The following TPST1 variants were observed in gnomAD, a reference collection of about 807,000 sequenced individuals.
TPST1 encodes the protein protein-tyrosine sulfotransferase 1.
In TPST1, 20 loss-of-function variants were observed where a neutral mutation model predicts 34.8. That is an observed-to-expected ratio of 0.57 (90% CI 0.40 to 0.84). TPST1 has a LOEUF of 0.84. Among genes scored for constraint, TPST1 ranks in the 40% least tolerant of loss-of-function variants. The probability of loss-of-function intolerance (pLI) is 0.00; values close to 1 mark genes in which losing one functional copy is unlikely to be tolerated. For missense variants in TPST1, 353 were observed against 455.5 expected, an observed-to-expected ratio of 0.78 and a Z score of 2.05; for synonymous variants, 152 against 159.4, an observed-to-expected ratio of 0.95 and a Z score of 0.35.
At chr7:66,322,133 C>T (rs1791769164) in intron 3 of TPST1, among the ~76,000 whole-genome samples, 1 of 151,794 alleles carries the variant, frequency 6.6e-6, no homozygotes, top group Non-Finnish European at 1.5e-5. Flanking sequence ...ATCTTTTTTC[C>T]AATTCAAGTC....
intron 2 of TPST1, among the ~76,000 whole-genome samples, chr7:66,276,386 T>TATATATATATATA (rs1790815489): frequency 2.3e-5 from 1 of 43,998 alleles, no homozygotes; most frequent in South Asian, 5.2e-4. Flanking sequence ...ATATATGTAT[T>TATATATATATATA]TTTTTGAGGC....
chr7:66,351,728 C>T (rs1263451528), intron 3 of TPST1, among the ~76,000 whole-genome samples: 1 of 149,186 alleles, frequency 6.7e-6, no homozygotes, highest in Admixed American at 6.7e-5. Flanking sequence ...AGGAGAATGG[C>T]TATCTTTATT....
At position 66,357,211 on chromosome 7, in the gene TPST1, C is replaced by T. The variant is rs547863318; in HGVS notation, c.*29+340C>T. ...GACCTGGAGGCCATCAAGCCCAACT[C>T]CCTGTTTACTGATAAGGAAGCTGGT... On this transcript the variant is annotated intron_variant, in intron 5 of 5. Coordinates refer to ENST00000304842, the MANE Select transcript of TPST1 (RefSeq NM_003596.4). Among the ~76,000 whole-genome samples, 76 of 152,274 alleles carry T rather than the reference C, an allele frequency of 5.0e-4. 1 individual carries two copies. In the South Asian group the frequency reaches 0.012, roughly 24 times the overall value.
At position 66,356,886 on chromosome 7, in the gene TPST1, A is replaced by C; in HGVS notation, c.*29+15A>C. 1.9e-6 allele frequency: 3 copies of C among 1,613,780 alleles called. No homozygotes were observed. The highest frequency in any genetic ancestry group is 2.5e-6 in the Non-Finnish European group (3 of 1,179,814). On this transcript the variant is annotated intron_variant, in intron 5 of 5. Coordinates refer to ENST00000304842, the MANE Select transcript of TPST1 (RefSeq NM_003596.4). Reference sequence around the variant, plus strand: ...CCATACATGAGGTGAGGGTTGGGGGACATTGCCAGGTCTTTCTGTTTCCCA... The same window carrying C: ...CCATACATGAGGTGAGGGTTGGGGGCCATTGCCAGGTCTTTCTGTTTCCCA...
chr7:66,231,564 C>T (rs1225086721), intron 1 of TPST1, among the ~76,000 whole-genome samples: 3 of 152,244 alleles, frequency 2.0e-5, no homozygotes, highest in African/African-American at 7.2e-5. Flanking sequence ...AGTACACCCT[C>T]TGCAGCCGCT....
intron 3 of TPST1, among the ~76,000 whole-genome samples, chr7:66,311,027 C>G (rs1453996736): frequency 6.6e-6 from 1 of 152,094 alleles, no homozygotes; most frequent in African/African-American, 2.4e-5. Flanking sequence ...ATTCTTATCT[C>G]ATTCTTTCAG....
chr7:66,322,863 CCAG>C (rs1791784597), intron 3 of TPST1, among the ~76,000 whole-genome samples: 1 of 26,296 alleles, frequency 3.8e-5, no homozygotes, highest in Non-Finnish European at 8.3e-5. Context: ...CACAAAGGTT[CCAG>C]TGGTGCACAA....
the TPST1 span, among the ~76,000 whole-genome samples, chr7:66,200,081 T>C: frequency 6.6e-6 from 1 of 152,300 alleles, no homozygotes; most frequent in South Asian, 2.1e-4. Context: ...GGAAAAGTGC[T>C]GGAGGACAAT....
At chr7:66,234,509 C>T (rs1002336096) in intron 1 of TPST1, among the ~76,000 whole-genome samples, 2 of 151,190 alleles carry the variant, frequency 1.3e-5, no homozygotes, top group South Asian at 2.1e-4. Context: ...TGTTATTGGT[C>T]GTTTGGGTTT....
At chr7:66,246,059 G>A (rs1243968658) in intron 2 of TPST1, among the ~76,000 whole-genome samples, 1 of 151,718 alleles carries the variant, frequency 6.6e-6, no homozygotes, top group Non-Finnish European at 1.5e-5. Context: ...CACCCAGGCT[G>A]GAGTATAGTG....
intron 1 of TPST1, among the ~76,000 whole-genome samples, chr7:66,219,889 A>C (rs1308785259): frequency 6.6e-6 from 1 of 152,202 alleles, no homozygotes; most frequent in African/African-American, 2.4e-5. Context: ...AAAATTCTAG[A>C]ACAGAAATGT....
rs114115457 is a variant in TPST1, at chr7:66,334,030, C to G, written c.1045-18475C>G. Among the ~76,000 whole-genome samples the G allele has an allele frequency of 6.9e-3, 1,045 of 152,190 alleles. 14 individuals are homozygous for G. The highest frequency in any genetic ancestry group is 0.023 in the African/African-American group (975 of 41,526). The stretch of plus-strand genomic sequence containing the variant: ...CCTGAAAAACAGGGATACAAAAAAG[C>G]AAAGGGACAAGAAGCAAGCCAGTTC... On this transcript the variant is annotated intron_variant, in intron 3 of 5. Transcript: ENST00000304842.
In TPST1 at chr7:66,354,563, G is replaced by A. The variant is rs1407168120; in HGVS notation, c.1095+2008G>A. 9.0e-5 allele frequency among the ~76,000 whole-genome samples: 13 copies of A among 145,112 alleles called. No individual in the cohort carries two copies. The East Asian group carries it at 2.5e-3, about 28-fold the overall frequency. On this transcript the variant is annotated intron_variant, in intron 4 of 5. Coordinates refer to ENST00000304842, the MANE Select transcript of TPST1 (RefSeq NM_003596.4). ...AAAAAAAAAAAAAATTCCAAAAGCC[G>A]GTTTGCATAACAAATCTGAAGAAGT...
At chr7:66,284,656 A>G (rs568298964) in intron 2 of TPST1, among the ~76,000 whole-genome samples, 2 of 150,650 alleles carry the variant, frequency 1.3e-5, no homozygotes, top group East Asian at 2.0e-4. Context: ...TCCTGGGTTC[A>G]AGCAATTCTC....
At chr7:66,248,189 G>A (rs1790189948) in intron 2 of TPST1, among the ~76,000 whole-genome samples, 1 of 152,012 alleles carries the variant, frequency 6.6e-6, no homozygotes, top group Non-Finnish European at 1.5e-5. Flanking sequence ...GCTTTGGAGG[G>A]CCTTATATTT....
chr7:66,342,717 G>C (rs776853802), intron 3 of TPST1, among the ~76,000 whole-genome samples: 5 of 152,164 alleles, frequency 3.3e-5, no homozygotes, highest in Non-Finnish European at 7.3e-5. Context: ...GAGCAAGAGA[G>C]AGAGGGGAGG....
chr7:66,265,687 A>G (rs1790578836), intron 2 of TPST1, among the ~76,000 whole-genome samples: 1 of 152,250 alleles, frequency 6.6e-6, no homozygotes, highest in Non-Finnish European at 1.5e-5. Context: ...CCAGAGATTC[A>G]CAGCTAGACA....
intron 1 of TPST1, 103 bp from the exon 2 acceptor site, chr7:66,240,222 C>A: frequency 1.5e-6 from 1 of 655,452 alleles, no homozygotes; most frequent in Non-Finnish European, 2.5e-6. Flanking sequence ...GAATCCAAGA[C>A]TGTTTCAGCT....
At chr7:66,345,966 C>A (rs892516147) in intron 3 of TPST1, among the ~76,000 whole-genome samples, 5 of 151,912 alleles carry the variant, frequency 3.3e-5, no homozygotes, top group African/African-American at 1.2e-4. Context: ...TCCCCTCCCC[C>A]ACCCACCTAC....
Sources: allele counts gnomAD v4.1 joint callset (sites outside exome capture counted in the v4.1 genomes callset), GRCh38; gene constraint gnomAD v4.1.1; transcripts MANE v1.5; gene names NCBI Gene and HGNC (gene_info 2026-07-23, HGNC 2026-07-21).